Variants in RSPH1 observed in about 807,000 individuals in gnomAD.
RSPH1 encodes the protein radial spoke head component 1.
In RSPH1, 32 loss-of-function variants were observed where a neutral mutation model predicts 44.2. The ratio of observed to expected loss-of-function variants is 0.72; its 90% CI spans 0.55 to 0.97. The LOEUF is 0.97. RSPH1 is among the 50% of genes least tolerant of loss of function. The pLI is 0.00. For synonymous variants in RSPH1, 134 were observed against 147.3 expected, an observed-to-expected ratio of 0.91 and a Z score of 0.65; for missense variants, 391 against 398.7, an observed-to-expected ratio of 0.98 and a Z score of 0.16.
intron 8 of RSPH1, among the ~76,000 whole-genome samples, chr21:42,473,489 TAAAA>T (rs5844123): frequency 8.0e-6 from 1 of 125,488 alleles, no homozygotes. Flanking sequence ...GATTCCATCT[TAAAA>T]AAAAAAAAAA....
At chr21:42,490,860 CT>C (rs35021236) in intron 3 of RSPH1, among the ~76,000 whole-genome samples, 152,276 of 152,276 alleles carry the variant, frequency 1, 76,138 homozygotes, top group Non-Finnish European at 1. Flanking sequence ...CACCCACCAA[CT>C]TTTGGTAAAG....
chr21:42,477,916 A>C (rs1312079699), intron 6 of RSPH1, among the ~76,000 whole-genome samples: 1 of 152,134 alleles, frequency 6.6e-6, no homozygotes, highest in Non-Finnish European at 1.5e-5. Context: ...TTCTTTATAT[A>C]AATAATAAAA....
In RSPH1 at chr21:42,477,574, C is replaced by T. The variant is rs1468144908; in HGVS notation, c.574-130G>A. 5 of 883,500 alleles carry T rather than the reference C, an allele frequency of 5.7e-6. No individual in the cohort carries two copies. The Admixed American group carries it at 8.5e-5, about 15-fold the overall frequency. The allele number at this position is 883,500 out of a possible 1,614,324, so 54.7% of individuals were successfully genotyped here. On this transcript the variant is annotated intron_variant, in intron 6 of 8. Transcript: ENST00000291536. ...TTGTGTTTCAGCCTTTTTAGGACGTCACTCAGGAATCAGACCAGTTGCTGA... is the reference window on the plus strand; with the variant it reads ...TTGTGTTTCAGCCTTTTTAGGACGTTACTCAGGAATCAGACCAGTTGCTGA...
Position 42,474,498 on chromosome 21 carries a change from A to T in RSPH1, c.877+1400T>A, listed in dbSNP as rs2054023654. Among the ~76,000 whole-genome samples the T allele has an allele frequency of 6.6e-6, 1 of 152,196 alleles. No individual in the cohort carries two copies. ...CCAGCCCCTCACTCCCACACTGCCT[A>T]TCAAACCCAGTGTCTCCCCCTCCAG... On this transcript the variant is annotated intron_variant, in intron 8 of 8. Coordinates refer to ENST00000291536, the MANE Select transcript of RSPH1 (RefSeq NM_080860.4). This position sits in a 1 kb window ranked among gnomAD's most constrained non-coding sequence, Gnocchi z 5.2.
intron 3 of RSPH1, among the ~76,000 whole-genome samples, chr21:42,489,888 G>A (rs997609594): frequency 5.9e-5 from 9 of 152,066 alleles, no homozygotes; most frequent in Admixed American, 3.3e-4. Flanking sequence ...CCTGCCATTC[G>A]GGGGCTTCCA....
At chr21:42,481,325 G>A (rs2054125876) in intron 6 of RSPH1, among the ~76,000 whole-genome samples, 1 of 152,088 alleles carries the variant, frequency 6.6e-6, no homozygotes, top group East Asian at 1.9e-4. Flanking sequence ...CAGAGGCCAG[G>A]CAGTTGCGGG....
intron 4 of RSPH1, 167 bp from the exon 5 acceptor site, chr21:42,485,971 C>T: frequency 3.6e-6 from 3 of 825,092 alleles, no homozygotes; most frequent in Non-Finnish European, 3.8e-6. Flanking sequence ...GCTCAGTGTG[C>T]CCCAAGCACA....
At chr21:42,486,972 T>C (rs746377353) in intron 3 of RSPH1, among the ~76,000 whole-genome samples, 2 of 152,192 alleles carry the variant, frequency 1.3e-5, no homozygotes, top group Non-Finnish European at 2.9e-5. Context: ...CTTGACCATC[T>C]ATCCTCAGCC....
chr21:42,473,265 C>A (rs961830544), intron 8 of RSPH1, among the ~76,000 whole-genome samples: 1 of 152,096 alleles, frequency 6.6e-6, no homozygotes, highest in Non-Finnish European at 1.5e-5. Context: ...CCAAGGCAGG[C>A]GGATCACTTG....
intron 6 of RSPH1, among the ~76,000 whole-genome samples, chr21:42,480,500 C>T (rs1358560730): frequency 2.0e-5 from 3 of 151,836 alleles, no homozygotes; most frequent in Admixed American, 6.6e-5. Context: ...ATTAGCTGGG[C>T]GTGGTGGCAC....
intron 1 of RSPH1, among the ~76,000 whole-genome samples, chr21:42,493,333 C>A (rs1019276753): frequency 6.6e-6 from 1 of 152,212 alleles, no homozygotes; most frequent in Non-Finnish European, 1.5e-5. Context: ...CAACACAGAG[C>A]TTGCAATTCA....
At chr21:42,495,928 C>T in intron 1 of RSPH1, 1 of 581,184 alleles carries the variant, frequency 1.7e-6, no homozygotes, top group Non-Finnish European at 3.1e-6. Flanking sequence ...CATGTGGTAA[C>T]CAGACGTCAC....
chr21:42,487,476 C>T (rs1490266651), intron 3 of RSPH1, among the ~76,000 whole-genome samples: 1 of 152,154 alleles, frequency 6.6e-6, no homozygotes, highest in Non-Finnish European at 1.5e-5. Flanking sequence ...GAAAACATTA[C>T]AAAATGGTTG....
chr21:42,494,565 C>A (rs2054268064), intron 1 of RSPH1, among the ~76,000 whole-genome samples: 1 of 152,108 alleles, frequency 6.6e-6, no homozygotes. Flanking sequence ...TTAAAATGAC[C>A]CCAAATGTGA....
chr21:42,475,584 T>C (rs1286371999), intron 8 of RSPH1, among the ~76,000 whole-genome samples: 4 of 141,512 alleles, frequency 2.8e-5, no homozygotes, highest in African/African-American at 1.1e-4. Context: ...AAAAAAAAAA[T>C]CATGCAACAG....
At chr21:42,480,237 C>T (rs930070316) in intron 6 of RSPH1, among the ~76,000 whole-genome samples, 4 of 152,156 alleles carry the variant, frequency 2.6e-5, no homozygotes, top group Middle Eastern at 3.2e-3. Flanking sequence ...GAAGCAGCAA[C>T]GGAGCACGGA....
chr21:42,485,517 G>A (rs1190173326), intron 5 of RSPH1, 152 bp downstream of exon 5: 4 of 829,558 alleles, frequency 4.8e-6, no homozygotes, highest in Admixed American at 2.6e-5. Flanking sequence ...CAGAGGCTCA[G>A]AGAATGGCAC....
chr21:42,494,761 G>A (rs1269769432), intron 1 of RSPH1, among the ~76,000 whole-genome samples: 4 of 150,840 alleles, frequency 2.7e-5, no homozygotes, highest in African/African-American at 7.3e-5. Context: ...GTGCAGTGGC[G>A]TGATCTCGGC....
chr21:42,477,756 A>G lies in RSPH1; in HGVS notation c.574-312T>C, dbSNP rs116482462. Among the ~76,000 whole-genome samples the G allele has an allele frequency of 0.036, 5,447 of 152,320 alleles. 314 individuals carry two copies. Among genetic ancestry groups the G allele is most frequent in the African/African-American group, 0.12 (5,133 of 41,552 alleles). ...CGCAGTCGCCTGCAATAGCTAAGAC[A>G]TGGCCAGGACTAAGTGGCCAGAACT... On this transcript the variant is annotated intron_variant, in intron 6 of 8. Transcript: ENST00000291536.
Sources: gnomAD v4.1 joint callset for allele counts (sites outside exome capture counted in the v4.1 genomes callset) on GRCh38, gnomAD v4.1.1 for gene constraint, Gnocchi (gnomAD v3.1) non-coding constraint, MANE v1.5 for transcripts, NCBI Gene and HGNC (gene_info 2026-07-23, HGNC 2026-07-21) for gene names.